The following LRP1B variants were observed in gnomAD, a reference collection of about 807,000 sequenced individuals.
LRP1B encodes low-density lipoprotein receptor-related protein 1B.
In LRP1B, 217 loss-of-function variants were observed where a neutral mutation model predicts 556.6. The observed-to-expected ratio is 0.39, with a 90% CI of 0.35 to 0.44. LRP1B has a LOEUF of 0.44. LRP1B is among the 20% of genes least tolerant of loss of function. The probability of loss-of-function intolerance (pLI) is 1.00; values close to 1 mark genes in which losing one functional copy is unlikely to be tolerated. For missense variants in LRP1B, 5,053 were observed against 5,620.8 expected (o/e 0.90, Z 3.23); for synonymous variants, 2,047 against 1,865.8 (o/e 1.10, Z -2.50).
chr2:141,348,702 G>A (rs530839660), intron 3 of LRP1B, among the ~76,000 whole-genome samples: 56 of 151,998 alleles, frequency 3.7e-4, no homozygotes, highest in Non-Finnish European at 4.1e-4. Context: ...AGACTTAGTG[G>A]TAATCCATGA....
At chr2:140,858,940 T>C (rs1692701726) in intron 27 of LRP1B, among the ~76,000 whole-genome samples, 1 of 152,220 alleles carries the variant, frequency 6.6e-6, no homozygotes, top group African/African-American at 2.4e-5. Context: ...CTGCATAGTA[T>C]TCCATGGTGT....
rs1559079614 is a variant in LRP1B at position 142,115,547 on chromosome 2, A to ATAT, written c.82+15098_82+15100dup. 1.8e-4 allele frequency among the ~76,000 whole-genome samples: 7 copies of ATAT among 38,614 alleles called. 1 individual carries two copies. The highest frequency in any genetic ancestry group is 3.8e-4 in the Non-Finnish European group (7 of 18,560). The allele number at this position is 38,614 out of a possible 152,430, so 25.3% of individuals were successfully genotyped here. ...ATAATATATATATTACATATGTAAT[A>ATAT]TATATATTATATATGTAATATATAT... On this transcript the variant is annotated intron_variant, in intron 1 of 90. Transcript: ENST00000389484.
chr2:141,212,054 G>T (rs1470057138), intron 6 of LRP1B, among the ~76,000 whole-genome samples: 1 of 151,944 alleles, frequency 6.6e-6, no homozygotes, highest in Non-Finnish European at 1.5e-5. Context: ...AATAAAACAT[G>T]TATTTGCTTA....
intron 6 of LRP1B, among the ~76,000 whole-genome samples, chr2:141,192,967 T>A (rs1041027480): frequency 2.6e-5 from 4 of 152,036 alleles, no homozygotes; most frequent in African/African-American, 9.6e-5. Context: ...GTTGTAGTGA[T>A]AACTCATAAT....
chr2:140,999,542 CAA>C (rs1176943328), intron 15 of LRP1B, among the ~76,000 whole-genome samples: 1 of 151,950 alleles, frequency 6.6e-6, no homozygotes, highest in Non-Finnish European at 1.5e-5. Flanking sequence ...CCTTACAAGC[CAA>C]AGTCATTTAA....
intron 1 of LRP1B, among the ~76,000 whole-genome samples, chr2:141,971,097 T>C (rs866127577): frequency 5.3e-5 from 8 of 151,536 alleles, no homozygotes; most frequent in African/African-American, 1.7e-4. Context: ...AACCCAAACC[T>C]TAAGGTTACC....
chr2:141,957,876 T>C (rs1701301386), intron 1 of LRP1B, among the ~76,000 whole-genome samples: 1 of 152,122 alleles, frequency 6.6e-6, no homozygotes. Context: ...TTATCACTCT[T>C]GTTTTAACAA....
At chr2:140,888,939 C>T (rs66509720) in intron 23 of LRP1B, among the ~76,000 whole-genome samples, 76,662 of 142,434 alleles carry the variant, frequency 0.54, 21,703 homozygotes, top group Middle Eastern at 0.69. Flanking sequence ...CTCCAGCCTG[C>T]GCAATAAAGT....
intron 7 of LRP1B, among the ~76,000 whole-genome samples, chr2:141,077,975 T>A (rs577669346): frequency 5.0e-4 from 76 of 151,966 alleles, no homozygotes; most frequent in African/African-American, 1.8e-3. Context: ...GGAATTTTTT[T>A]TTTTTTTTTA....
chr2:141,345,113 T>C (rs1275620763), intron 3 of LRP1B, among the ~76,000 whole-genome samples: 1 of 106,192 alleles, frequency 9.4e-6, no homozygotes, highest in African/African-American at 4.1e-5. Flanking sequence ...CATTGCTGGC[T>C]TGAATGATGG....
intron 1 of LRP1B, among the ~76,000 whole-genome samples, chr2:141,825,335 C>T (rs897240138): frequency 6.6e-6 from 1 of 152,130 alleles, no homozygotes; most frequent in Non-Finnish European, 1.5e-5. Context: ...GTTTGGAGTA[C>T]TAGAGGCCCA....
At chr2:141,766,833 C>A (rs947806001) in intron 2 of LRP1B, among the ~76,000 whole-genome samples, 4 of 152,124 alleles carry the variant, frequency 2.6e-5, no homozygotes, top group African/African-American at 9.7e-5. Flanking sequence ...TAGCAACTAC[C>A]ATGACAACAG....
chr2:141,162,683 C>G (rs1680088265), intron 7 of LRP1B, among the ~76,000 whole-genome samples: 1 of 152,044 alleles, frequency 6.6e-6, no homozygotes, highest in African/African-American at 2.4e-5. Context: ...TAATTATATT[C>G]TGGCTTTCCA....
At chr2:141,914,856 G>A (rs184311733) in intron 1 of LRP1B, among the ~76,000 whole-genome samples, 26 of 152,102 alleles carry the variant, frequency 1.7e-4, no homozygotes, top group African/African-American at 5.3e-4. Context: ...TAGATGACAC[G>A]CAAACAAATG....
chr2:141,562,329 C>T (rs1367672257), intron 2 of LRP1B, among the ~76,000 whole-genome samples: 1 of 151,696 alleles, frequency 6.6e-6, no homozygotes, highest in Non-Finnish European at 1.5e-5. Flanking sequence ...TGGAATGGAC[C>T]CAGAGATTTC....
chr2:140,303,334 G>A (rs755499699), intron 83 of LRP1B, among the ~76,000 whole-genome samples: 6 of 151,918 alleles, frequency 3.9e-5, no homozygotes, highest in Middle Eastern at 3.4e-3. Context: ...TGCAACCTCC[G>A]CCTCCCGGGT....
chr2:140,740,698 C>T (rs1688107105), intron 35 of LRP1B, among the ~76,000 whole-genome samples: 1 of 152,128 alleles, frequency 6.6e-6, no homozygotes, highest in Admixed American at 6.6e-5. Context: ...CTGGAAGCTA[C>T]AAGTTTGAGA....
chr2:141,402,789 G>C (rs1000455656), intron 3 of LRP1B, among the ~76,000 whole-genome samples: 18 of 152,030 alleles, frequency 1.2e-4, no homozygotes, highest in African/African-American at 4.3e-4. Context: ...AGAATTTATT[G>C]AGATATTTCA....
chr2:141,095,406 G>A lies in LRP1B; in HGVS notation c.1014-33133C>T, dbSNP rs767104159. On this transcript the variant is annotated intron_variant, in intron 7 of 90. Coordinates refer to ENST00000389484, the MANE Select transcript of LRP1B (RefSeq NM_018557.3). ...AAGCTTTTTGCAAAGGGTAGTAATCGTAATGAAGTTTATAATGAAGATATT... is the reference window on the plus strand; with the variant it reads ...AAGCTTTTTGCAAAGGGTAGTAATCATAATGAAGTTTATAATGAAGATATT... 5.6e-4 allele frequency among the ~76,000 whole-genome samples: 76 copies of A among 135,030 alleles called. 2 individuals carry two copies. The highest frequency in any genetic ancestry group is 1.0e-3 in the Non-Finnish European group (63 of 61,134). The allele number at this position is 135,030 out of a possible 152,430, so 88.6% of individuals were successfully genotyped here.
Sources: allele counts gnomAD v4.1 joint callset (sites outside exome capture counted in the v4.1 genomes callset), GRCh38; gene constraint gnomAD v4.1.1; transcripts MANE v1.5; gene names NCBI Gene and HGNC (gene_info 2026-07-23, HGNC 2026-07-21).